Variants in SIPA1L3 observed in about 807,000 individuals in gnomAD.
SIPA1L3 encodes signal-induced proliferation-associated 1-like protein 3.
A neutral mutation model predicts 150.1 loss-of-function variants in SIPA1L3; 59 were observed. The observed-to-expected ratio is 0.39, with a 90% CI of 0.32 to 0.49. SIPA1L3 has a LOEUF of 0.49. Among genes scored for constraint, SIPA1L3 ranks in the 20% least tolerant of loss-of-function variants. The pLI is 0.86. For missense variants in SIPA1L3, 2,211 were observed against 2,489.5 expected (o/e 0.89, Z 2.38); for synonymous variants, 1,070 against 1,077.6 (o/e 0.99, Z 0.14).
At chr19:38,018,154 G>GTTTTT (rs1968281619) in intron 1 of SIPA1L3, among the ~76,000 whole-genome samples, 1 of 93,828 alleles carries the variant, frequency 1.1e-5, no homozygotes, top group African/African-American at 4.8e-5. Flanking sequence ...CCCTTTGAGT[G>GTTTTT]TCTTTTTTTT....
intron 16 of SIPA1L3, among the ~76,000 whole-genome samples, chr19:38,191,382 G>A (rs760578173): frequency 6.0e-5 from 9 of 149,970 alleles, no homozygotes; most frequent in Non-Finnish European, 1.2e-4. Flanking sequence ...CCTGGGCAAC[G>A]GAGGAGGCTC....
At position 38,106,475 on chromosome 19, in the gene SIPA1L3, T is replaced by C. The variant is rs1314332075; in HGVS notation, c.2030-62T>C. On this transcript the variant is annotated intron_variant, in intron 6 of 21. Coordinates refer to ENST00000222345, the MANE Select transcript of SIPA1L3 (RefSeq NM_015073.3). ...GTTAAAAACCAGCACAGATGGTACG[T>C]GGGATATGGCAAAAACCCAGAGGTT... 3 of 1,048,776 alleles carry C rather than the reference T, an allele frequency of 2.9e-6. No homozygotes were observed. The African/African-American group carries it at 4.7e-5, about 16-fold the overall frequency. The allele number at this position is 1,048,776 out of a possible 1,614,324, so 65.0% of individuals were successfully genotyped here. A position where few individuals can be genotyped will look rare whatever the true frequency, so the allele number is the denominator to read the frequency against.
At chr19:37,947,712 C>T (rs189867877) in intron 1 of SIPA1L3, among the ~76,000 whole-genome samples, 3 of 152,280 alleles carry the variant, frequency 2.0e-5, no homozygotes, top group Admixed American at 6.5e-5. Context: ...AAAGAGGTGT[C>T]GTTTCTTGCG....
chr19:38,006,970 G>A (rs1395313722), intron 1 of SIPA1L3, among the ~76,000 whole-genome samples: 1 of 152,240 alleles, frequency 6.6e-6, no homozygotes, highest in Non-Finnish European at 1.5e-5. Context: ...ATGCGGCCGG[G>A]AAGGTAGAGT....
intron 1 of SIPA1L3, among the ~76,000 whole-genome samples, chr19:37,993,005 G>A (rs1376554971): frequency 1.3e-5 from 2 of 152,182 alleles, no homozygotes; most frequent in African/African-American, 4.8e-5. Context: ...AGACTCGCTG[G>A]GTCAGTGTCA....
intron 17 of SIPA1L3, among the ~76,000 whole-genome samples, chr19:38,193,179 T>TA (rs915536140): frequency 2.2e-4 from 34 of 151,376 alleles, no homozygotes; most frequent in South Asian, 4.2e-4. Flanking sequence ...CTCATCTCTA[T>TA]AAAAAAAATG....
chr19:37,937,741 C>CAA (rs34881450), intron 1 of SIPA1L3, among the ~76,000 whole-genome samples: 42 of 18,608 alleles, frequency 2.3e-3, no homozygotes, highest in East Asian at 5.2e-3. Flanking sequence ...AACCCTGTCT[C>CAA]AAAAAAAAAA....
intron 1 of SIPA1L3, among the ~76,000 whole-genome samples, chr19:37,935,796 C>T (rs1034029817): frequency 6.6e-5 from 10 of 152,106 alleles, no homozygotes; most frequent in Non-Finnish European, 1.0e-4. Context: ...AGAACTGGCT[C>T]CACATCACTT....
rs1300002165 is a variant in SIPA1L3, at chr19:37,999,006, CA to C, written c.-378-30082del. Among the ~76,000 whole-genome samples the C allele has an allele frequency of 2.5e-3, 381 of 151,754 alleles. 3 individuals are homozygous for C. Among genetic ancestry groups the C allele is most frequent in the African/African-American group, 8.7e-3 (359 of 41,354 alleles). ...ACACACACACACACACACACACACA[CA>C]CACACCCACACACACACAAAGACTA... On this transcript the variant is annotated intron_variant, in intron 1 of 21. Transcript: ENST00000222345.
chr19:38,012,088 TC>T (rs1968113142), intron 1 of SIPA1L3, among the ~76,000 whole-genome samples: 1 of 147,202 alleles, frequency 6.8e-6, no homozygotes, highest in Non-Finnish European at 1.5e-5. Flanking sequence ...CTGGGCTGTG[TC>T]TTTTTTTTTT....
rs765404105 is a variant in SIPA1L3 at position 38,178,086 on chromosome 19, GGTGTGTGTGTGTGTGTGTGTGTGT to G, written c.4209-4404_4209-4381del. Among the ~76,000 whole-genome samples the G allele has an allele frequency of 2.1e-3, 281 of 131,006 alleles. 3 individuals are homozygous for G. The highest frequency in any genetic ancestry group is 7.9e-3 in the African/African-American group (267 of 33,930). 85.9% of individuals were successfully genotyped at this position (131,006 alleles called of 152,430 possible). A position where few individuals can be genotyped will look rare whatever the true frequency, so the allele number is the denominator to read the frequency against. On this transcript the variant is annotated intron_variant, in intron 15 of 21. Coordinates refer to ENST00000222345, the MANE Select transcript of SIPA1L3 (RefSeq NM_015073.3). ...CCTGTGTGTGCTTGTGCAGGCTTTT[GGTGTGTGTGTGTGTGTGTGTGTGT>G]GTGTGTGTGTGTGTGTGTGTGTGTG...
At chr19:38,078,801 C>G (rs1452973157) in intron 2 of SIPA1L3, among the ~76,000 whole-genome samples, 1 of 152,200 alleles carries the variant, frequency 6.6e-6, no homozygotes, top group East Asian at 1.9e-4. Flanking sequence ...AGGGAGCGGG[C>G]ACGGCTGCTG....
intron 1 of SIPA1L3, among the ~76,000 whole-genome samples, chr19:37,927,686 TG>T (rs1706910596): frequency 6.7e-6 from 1 of 149,218 alleles, no homozygotes; most frequent in African/African-American, 2.5e-5. Flanking sequence ...TGTGTGTGTG[TG>T]TGTGTATGCA....
intron 10 of SIPA1L3, among the ~76,000 whole-genome samples, chr19:38,137,918 G>A (rs941039639): frequency 6.6e-6 from 1 of 151,996 alleles, no homozygotes; most frequent in African/African-American, 2.4e-5. Context: ...ATCACTTGAG[G>A]TCAGGAGTTT....
intron 2 of SIPA1L3, among the ~76,000 whole-genome samples, chr19:38,071,822 G>T (rs1409609650): frequency 6.6e-6 from 1 of 152,174 alleles, no homozygotes; most frequent in Admixed American, 6.6e-5. Flanking sequence ...AGCATCTGGG[G>T]TCATTTGTTA....
chr19:38,205,202 C>G (rs1600214771), intron 21 of SIPA1L3, among the ~76,000 whole-genome samples: 3 of 151,994 alleles, frequency 2.0e-5, no homozygotes, highest in Admixed American at 6.5e-5. Flanking sequence ...GGTACGTTGG[C>G]TCACACCTGT....
At chr19:37,930,330 T>A (rs940631917) in intron 1 of SIPA1L3, among the ~76,000 whole-genome samples, 19 of 150,438 alleles carry the variant, frequency 1.3e-4, no homozygotes, top group Non-Finnish European at 2.2e-4. Flanking sequence ...GCTAATTTTT[T>A]AATCATTCAT....
At chr19:38,048,674 C>A (rs563335004) in intron 2 of SIPA1L3, among the ~76,000 whole-genome samples, 1 of 152,216 alleles carries the variant, frequency 6.6e-6, no homozygotes, top group South Asian at 2.1e-4. Context: ...GTTAGCAAAT[C>A]GTGTCAGGCC....
intron 1 of SIPA1L3, among the ~76,000 whole-genome samples, chr19:38,018,193 T>C (rs1026580479): frequency 6.4e-5 from 9 of 140,310 alleles, no homozygotes; most frequent in African/African-American, 2.2e-4. Context: ...AGGCAGAGTC[T>C]TGCTCTGTCA....
Sources: gnomAD v4.1 joint callset for allele counts (sites outside exome capture counted in the v4.1 genomes callset) on GRCh38, gnomAD v4.1.1 for gene constraint, MANE v1.5 for transcripts, NCBI Gene and HGNC (gene_info 2026-07-23, HGNC 2026-07-21) for gene names.